The following SPAG9 variants were observed in gnomAD, a reference collection of about 807,000 sequenced individuals.
The protein encoded by SPAG9 is sperm associated antigen 9, also known as C-Jun-amino-terminal kinase-interacting protein 4.
A neutral mutation model predicts 166.5 loss-of-function variants in SPAG9; 35 were observed. The ratio of observed to expected loss-of-function variants is 0.21; its 90% CI spans 0.16 to 0.28. SPAG9 has a LOEUF of 0.28. SPAG9 is among the 10% of genes least tolerant of loss of function. The pLI is 1.00. For missense variants in SPAG9, 1,235 were observed against 1,603.3 expected (o/e 0.77, Z 3.92); for synonymous variants, 534 against 565.5 (o/e 0.94, Z 0.79).
intron 1 of SPAG9, among the ~76,000 whole-genome samples, chr17:51,112,795 G>A (rs1359720409): frequency 2.1e-5 from 3 of 146,302 alleles, no homozygotes; most frequent in African/African-American, 5.1e-5. Context: ...ATAACATAAC[G>A]AGACCCTGTT....
intron 9 of SPAG9, chr17:51,007,921 GAA>G (rs1032745804): frequency 1.5e-5 from 6 of 411,300 alleles, no homozygotes; most frequent in African/African-American, 1.3e-4. Flanking sequence ...GAAACAGCAT[GAA>G]AACAGATTAT....
intron 1 of SPAG9, among the ~76,000 whole-genome samples, chr17:51,100,234 T>C (rs2048770977): frequency 6.6e-6 from 1 of 152,246 alleles, no homozygotes; most frequent in African/African-American, 2.4e-5. Flanking sequence ...TCCTGGCCCT[T>C]GGCTAGGTTA....
chr17:51,088,506 G>A (rs2048359085), intron 1 of SPAG9, among the ~76,000 whole-genome samples: 1 of 152,140 alleles, frequency 6.6e-6, no homozygotes, highest in Non-Finnish European at 1.5e-5. Context: ...TTTAAAAAAG[G>A]GAAGTCAAGG....
chr17:51,099,161 T>TG (rs2048729854), intron 1 of SPAG9, among the ~76,000 whole-genome samples: 1 of 144,658 alleles, frequency 6.9e-6, no homozygotes, highest in South Asian at 2.2e-4. Flanking sequence ...TGGCCAGGCG[T>TG]GGTGGCTCAC....
At chr17:51,076,229 C>G (rs2047966517) in intron 2 of SPAG9, among the ~76,000 whole-genome samples, 1 of 151,158 alleles carries the variant, frequency 6.6e-6, no homozygotes, top group Non-Finnish European at 1.5e-5. Flanking sequence ...TCAAGACCAG[C>G]CTGGGCAACA....
chr17:50,990,272 C>A, intron 20 of SPAG9, 178 bp downstream of exon 20: 1 of 594,440 alleles, frequency 1.7e-6, no homozygotes. Context: ...TCGTGATCCA[C>A]CCGCCTTGGC....
intron 26 of SPAG9, among the ~76,000 whole-genome samples, chr17:50,977,705 C>T (rs1482188498): frequency 1.3e-5 from 2 of 152,096 alleles, no homozygotes; most frequent in Non-Finnish European, 2.9e-5. Flanking sequence ...ACCTGGGCAA[C>T]AGACCTCACC....
intron 13 of SPAG9, 35 bp from the exon 14 acceptor site, chr17:50,999,752 C>T (rs760591328): frequency 1.9e-6 from 3 of 1,572,126 alleles, no homozygotes; most frequent in East Asian, 4.5e-5. Flanking sequence ...AAACATTTAT[C>T]AGTGAGGTAT....
At chr17:50,970,599 A>G (rs1973711619) in intron 29 of SPAG9, 108 bp downstream of exon 29, 1 of 925,582 alleles carries the variant, frequency 1.1e-6, no homozygotes, top group Non-Finnish European at 1.6e-6. Context: ...AAAGAGCTCA[A>G]AGAGAACCTC....
intron 28 of SPAG9, 89 bp from the exon 29 acceptor site, chr17:50,970,945 CA>C: frequency 9.1e-7 from 1 of 1,104,050 alleles, no homozygotes; most frequent in Admixed American, 2.2e-5. Flanking sequence ...TAGAGTTAAA[CA>C]AAAAGGTAAA....
chr17:51,077,315 G>T (rs2048045596), intron 2 of SPAG9, among the ~76,000 whole-genome samples: 2 of 152,072 alleles, frequency 1.3e-5, no homozygotes, highest in African/African-American at 4.8e-5. Flanking sequence ...TAGAGACGGG[G>T]TTCTCCATGT....
chr17:51,088,747 G>A (rs548546956), intron 1 of SPAG9, among the ~76,000 whole-genome samples: 2 of 151,832 alleles, frequency 1.3e-5, no homozygotes, highest in East Asian at 1.9e-4. Flanking sequence ...GCAGTGAGCC[G>A]AGATCGTGCC....
intron 1 of SPAG9, chr17:51,085,385 C>A (rs768940740): frequency 6.6e-6 from 1 of 152,118 alleles, no homozygotes; most frequent in Non-Finnish European, 1.5e-5. Flanking sequence ...CCACAGAATA[C>A]GACAATTCCA....
intron 1 of SPAG9, among the ~76,000 whole-genome samples, chr17:51,102,340 G>A (rs1383062738): frequency 1.3e-5 from 2 of 149,692 alleles, no homozygotes; most frequent in African/African-American, 2.5e-5. Context: ...AAGGCCAGAG[G>A]TTACAGTGAG....
At chr17:51,049,786 C>T (rs955322183) in intron 3 of SPAG9, among the ~76,000 whole-genome samples, 16 of 152,078 alleles carry the variant, frequency 1.1e-4, no homozygotes, top group African/African-American at 2.7e-4. Context: ...TTAGTAGAGA[C>T]GGGGTTTCAC....
rs190207500 is a variant in SPAG9, at chr17:50,996,517, T to C, written c.1968+48A>G. Reference sequence around the variant, plus strand: ...TCCTTCATGCCCACGCACACTCAACTTGCCCTCTTCTTTCCTGCTGGATGC... The same window carrying C: ...TCCTTCATGCCCACGCACACTCAACCTGCCCTCTTCTTTCCTGCTGGATGC... On this transcript the variant is annotated intron_variant, in intron 16 of 29. Coordinates refer to ENST00000262013, the MANE Select transcript of SPAG9 (RefSeq NM_001130528.3). The C allele has an allele frequency of 2.3e-4, 377 of 1,611,204 alleles. 2 individuals carry two copies. The highest frequency in any genetic ancestry group is 1.7e-3 in the East Asian group (74 of 44,834).
intron 1 of SPAG9, among the ~76,000 whole-genome samples, chr17:51,086,574 A>T (rs1004435195): frequency 7.9e-5 from 12 of 151,898 alleles, no homozygotes; most frequent in Admixed American, 3.3e-4. Flanking sequence ...AATCGCTTGA[A>T]CCCAGGAGGT....
chr17:51,073,383 G>A (rs9894075), intron 2 of SPAG9, among the ~76,000 whole-genome samples: 7,327 of 151,866 alleles, frequency 0.048, 525 homozygotes, highest in African/African-American at 0.16. Flanking sequence ...CCAGCTACTC[G>A]GAGCAGAGGT....
chr17:51,079,813 T>G, intron 1 of SPAG9, 109 bp from the exon 2 acceptor site: 1 of 705,708 alleles, frequency 1.4e-6, no homozygotes. Context: ...ACTACTTAGA[T>G]CTCAGAATTA....
Sources: allele counts gnomAD v4.1 joint callset (sites outside exome capture counted in the v4.1 genomes callset), GRCh38; gene constraint gnomAD v4.1.1; transcripts MANE v1.5; gene names NCBI Gene and HGNC (gene_info 2026-07-23, HGNC 2026-07-21).